The following CLCN1 variants were observed in gnomAD, a reference collection of about 807,000 sequenced individuals.
The protein encoded by CLCN1 is chloride channel protein 1.
CLCN1 carries 100 observed loss-of-function variants against 114.5 expected under a neutral mutation model. The observed-to-expected ratio is 0.87, with a 90% CI of 0.74 to 1.03. The LOEUF is 1.03. Ranked by LOEUF, CLCN1 falls within the 50% of genes least tolerant of loss-of-function variation. CLCN1 has a pLI of 0.00. For synonymous variants in CLCN1, 485 were observed against 487.1 expected (o/e 1.00, Z 0.06); for missense variants, 1,188 against 1,250.0 (o/e 0.95, Z 0.75).
intron 17 of CLCN1, 82 bp from the exon 18 acceptor site, chr7:143,346,058 A>C: frequency 1.0e-6 from 1 of 1,000,620 alleles, no homozygotes; most frequent in South Asian, 1.3e-5. Flanking sequence ...TCGCTTTCCC[A>C]GAACATCCAC....
At chr7:143,325,998 T>C (rs1802563048) in intron 7 of CLCN1, among the ~76,000 whole-genome samples, 1 of 151,824 alleles carries the variant, frequency 6.6e-6, no homozygotes, top group South Asian at 2.1e-4. Flanking sequence ...CAGGTGGCAT[T>C]ACTTGTTTTT....
At chr7:143,330,403 C>T (rs1269806752) in intron 7 of CLCN1, among the ~76,000 whole-genome samples, 1 of 152,108 alleles carries the variant, frequency 6.6e-6, no homozygotes, top group Non-Finnish European at 1.5e-5. Flanking sequence ...CTTAACTTCT[C>T]TGCAGATTTT....
intron 14 of CLCN1, among the ~76,000 whole-genome samples, chr7:143,341,317 G>T (rs1220819014): frequency 6.6e-6 from 1 of 152,094 alleles, no homozygotes; most frequent in Non-Finnish European, 1.5e-5. Context: ...TCAGCACTTT[G>T]GGAGGCCGAG....
Position 143,339,600 on chromosome 7 carries a change from C to A in CLCN1, c.1561C>A (p.Pro521Thr). ...TGATGACATCATCTACAAGATCCTA[C>A]CTGGGGGCTATGCAGTAATTGGTGA... The part of the protein sequence containing the change: ...LFDDIIYKIL[P>T]GGYAVIGAAA... Residue 521 changes from proline (P) to threonine (T), a missense_variant, in exon 14 of 23, where the codon CCT (proline) becomes ACT (threonine). Pro to Thr is a conservative substitution (Grantham distance 38). Transcript: ENST00000343257. The surrounding 1 kb of genome is among the most constrained non-coding windows in gnomAD (Gnocchi z 4.1). 1 of 1,609,824 alleles carries A rather than the reference C, an allele frequency of 6.2e-7. No homozygotes were observed. Among genetic ancestry groups the A allele is most frequent in the East Asian group, 2.2e-5 (1 of 44,868 alleles).
rs1482298541 is a variant in CLCN1 at position 143,351,957 on chromosome 7, A to G, written c.2959A>G (p.Ile987Val). Reference sequence around the variant, plus strand: ...AGACGAGGAGGATGAGGATGAACTGATCCTTTGACCCCCTCCCACGACCTC... The same window carrying G: ...AGACGAGGAGGATGAGGATGAACTGGTCCTTTGACCCCCTCCCACGACCTC... ...STDEEDEDEL[I>V]L is the part of the protein sequence containing the mutation. The change falls in exon 23 of 23, where the codon ATC becomes GTC. Residue 987 changes from isoleucine to valine, a missense_variant. Coordinates refer to ENST00000343257, the MANE Select transcript of CLCN1 (RefSeq NM_000083.3). 3 of 1,612,446 alleles carry G rather than the reference A, an allele frequency of 1.9e-6. No homozygotes were observed. The highest frequency in any genetic ancestry group is 1.7e-5 in the Admixed American group (1 of 59,990).
chr7:143,345,787 G>C, intron 17 of CLCN1, 25 bp downstream of exon 17: 1 of 1,605,236 alleles, frequency 6.2e-7, no homozygotes, highest in Non-Finnish European at 8.5e-7. Context: ...AAGGGCTAGG[G>C]AGTGGGATAG....
intron 12 of CLCN1, among the ~76,000 whole-genome samples, chr7:143,333,136 C>T (rs1802775260): frequency 6.6e-6 from 1 of 151,792 alleles, no homozygotes; most frequent in African/African-American, 2.4e-5. Flanking sequence ...CCATCTCTAC[C>T]AAAAATTCAA....
chr7:143,337,080 C>T (rs990460955), intron 12 of CLCN1, among the ~76,000 whole-genome samples: 5 of 152,202 alleles, frequency 3.3e-5, no homozygotes, highest in Admixed American at 6.5e-5. Context: ...GTGGTAGCTT[C>T]CAGTGGGGTC....
At chr7:143,331,453 A>G in intron 9 of CLCN1, 98 bp from the exon 10 acceptor site, 1 of 1,122,640 alleles carries the variant, frequency 8.9e-7, no homozygotes, top group Non-Finnish European at 1.4e-6. Context: ...GCAGATAGGA[A>G]AGGCAGAAGC....
chr7:143,320,945 G>T (rs145068952), intron 3 of CLCN1, 150 bp downstream of exon 3: 4 of 935,464 alleles, frequency 4.3e-6, no homozygotes, highest in Non-Finnish European at 6.8e-6. Flanking sequence ...TCCAGGCCCA[G>T]AAAAGACCAG....
intron 7 of CLCN1, among the ~76,000 whole-genome samples, chr7:143,327,099 A>AT (rs1222111837): frequency 6.6e-6 from 1 of 152,108 alleles, no homozygotes; most frequent in Non-Finnish European, 1.5e-5. Flanking sequence ...TACAAAAATT[A>AT]GCTGGGTGTG....
At chr7:143,317,538 G>A (rs1802319550) in intron 1 of CLCN1, among the ~76,000 whole-genome samples, 1 of 151,522 alleles carries the variant, frequency 6.6e-6, no homozygotes, top group Non-Finnish European at 1.5e-5. Context: ...GTTAACCACT[G>A]TGCCCAGTCT....
rs1406157370 is a variant in CLCN1 at position 143,350,401 on chromosome 7, C to T, written c.2433C>T (p.Ser811=). Residue 811 remains serine, a synonymous_variant, in exon 21 of 23, where the codon AGC becomes AGT. Transcript: ENST00000343257. This position sits in a 1 kb window ranked among gnomAD's most constrained non-coding sequence, Gnocchi z 5.1. Reference sequence around the variant, plus strand: ...AGGCCTGGGAGCAGGAGCAGCTGAGCCAGCCTGTCTGTTTTGATTCCTGCT... The same window carrying T: ...AGGCCTGGGAGCAGGAGCAGCTGAGTCAGCCTGTCTGTTTTGATTCCTGCT... ...EIEAWEQEQL[S]QPVCFDSCCI... The T allele has an allele frequency of 3.1e-6, 5 of 1,614,110 alleles. No homozygotes were observed. The highest frequency in any genetic ancestry group is 1.1e-5 in the South Asian group (1 of 91,080).
At chr7:143,346,465 G>C in intron 18 of CLCN1, 114 bp from the exon 19 acceptor site, 1 of 841,736 alleles carries the variant, frequency 1.2e-6, no homozygotes, top group South Asian at 1.4e-5. Flanking sequence ...AGAAGAGAGG[G>C]TGAGGTACCT....
chr7:143,328,528 G>A (rs1379970206), intron 7 of CLCN1, among the ~76,000 whole-genome samples: 1 of 152,180 alleles, frequency 6.6e-6, no homozygotes, highest in Non-Finnish European at 1.5e-5. Context: ...GACTGCTAGG[G>A]AAAGTGTCCC....
chr7:143,316,509 A>G, intron 1 of CLCN1, 117 bp downstream of exon 1: 1 of 947,994 alleles, frequency 1.1e-6, no homozygotes, highest in Non-Finnish European at 1.6e-6. Flanking sequence ...TTTTTAACTT[A>G]AAAAACAAGT....
At chr7:143,348,085 T>A (rs1428252365) in intron 20 of CLCN1, among the ~76,000 whole-genome samples, 5 of 152,138 alleles carry the variant, frequency 3.3e-5, no homozygotes, top group African/African-American at 4.8e-5. Context: ...TAAATGAACA[T>A]CTTATTGGAT....
intron 10 of CLCN1, 27 bp downstream of exon 10, chr7:143,331,679 A>G (rs760247682): frequency 1.3e-6 from 2 of 1,501,502 alleles, no homozygotes. Flanking sequence ...CTTTTGCCCT[A>G]CCCATTTACT....
chr7:143,336,391 C>G (rs1418505023), intron 12 of CLCN1, among the ~76,000 whole-genome samples: 2 of 151,238 alleles, frequency 1.3e-5, no homozygotes, highest in Non-Finnish European at 2.9e-5. Flanking sequence ...AGGCGGATCA[C>G]CTGAGGTCAA....
Sources: gnomAD v4.1 joint callset for allele counts (sites outside exome capture counted in the v4.1 genomes callset) on GRCh38, gnomAD v4.1.1 for gene constraint, Gnocchi (gnomAD v3.1) non-coding constraint, MANE v1.5 for transcripts, NCBI Gene and HGNC (gene_info 2026-07-23, HGNC 2026-07-21) for gene names.